The following SPOCK1 variants were observed in gnomAD, a reference collection of about 807,000 sequenced individuals.
The protein encoded by SPOCK1 is SPARC (osteonectin), cwcv and kazal like domains proteoglycan 1.
Under a neutral mutation model 55.3 loss-of-function variants are expected in SPOCK1, and 23 were observed. That is an observed-to-expected ratio of 0.42 (90% confidence interval 0.30 to 0.59). SPOCK1 has a LOEUF of 0.59. Ranked by LOEUF, SPOCK1 falls within the 20% of genes least tolerant of loss-of-function variation. SPOCK1 has a pLI of 0.22. For missense variants in SPOCK1, 499 were observed against 552.5 expected (o/e 0.90, Z 0.97); for synonymous variants, 226 against 221.0 (o/e 1.02, Z -0.20).
At chr5:136,979,136 T>C (rs1750675352) in intron 10 of SPOCK1, among the ~76,000 whole-genome samples, 196 bp downstream of exon 10, 1 of 152,198 alleles carries the variant, frequency 6.6e-6, no homozygotes, top group African/African-American at 2.4e-5. Flanking sequence ...CTCTCTTCTC[T>C]GGTCATAGTG....
At chr5:137,029,942 G>C (rs746046589) in intron 6 of SPOCK1, among the ~76,000 whole-genome samples, 12 of 152,224 alleles carry the variant, frequency 7.9e-5, no homozygotes, top group Non-Finnish European at 1.6e-4. Context: ...AAGGAAGCAT[G>C]CAAGGAGAAA....
At chr5:137,188,444 A>C (rs186757423) in intron 3 of SPOCK1, among the ~76,000 whole-genome samples, 1 of 152,058 alleles carries the variant, frequency 6.6e-6, no homozygotes, top group African/African-American at 2.4e-5. Context: ...AAACTTTGTC[A>C]TTATCATTAT....
At chr5:137,076,258 A>G (rs1752758044) in intron 5 of SPOCK1, among the ~76,000 whole-genome samples, 1 of 152,180 alleles carries the variant, frequency 6.6e-6, no homozygotes, top group South Asian at 2.1e-4. Flanking sequence ...GTGCCCCAGG[A>G]CAATTCTCTC....
chr5:137,114,512 T>C (rs1753541379), intron 4 of SPOCK1, among the ~76,000 whole-genome samples: 1 of 152,218 alleles, frequency 6.6e-6, no homozygotes, highest in South Asian at 2.1e-4. Context: ...TCTGGATTTT[T>C]TAAAGTCTAT....
chr5:137,112,328 G>T, intron 5 of SPOCK1, 107 bp downstream of exon 5: 2 of 1,415,762 alleles, frequency 1.4e-6, no homozygotes, highest in Non-Finnish European at 9.5e-7. Context: ...TCAAGGGCAA[G>T]GCCTGGAGCC....
At chr5:137,030,738 C>A (rs1169794127) in intron 6 of SPOCK1, among the ~76,000 whole-genome samples, 1 of 152,130 alleles carries the variant, frequency 6.6e-6, no homozygotes, top group Non-Finnish European at 1.5e-5. Flanking sequence ...TGTGTAATTT[C>A]ATTTTAGCCA....
At chr5:137,408,584 G>C (rs1479690200) in intron 2 of SPOCK1, among the ~76,000 whole-genome samples, 1 of 152,192 alleles carries the variant, frequency 6.6e-6, no homozygotes, top group African/African-American at 2.4e-5. Flanking sequence ...AAAGTAAGGG[G>C]AAAGGGGAAC....
intron 3 of SPOCK1, among the ~76,000 whole-genome samples, chr5:137,159,049 C>T (rs1754476313): frequency 1.3e-5 from 2 of 152,122 alleles, no homozygotes; most frequent in South Asian, 4.2e-4. Flanking sequence ...ATCAGATGCT[C>T]CCCTTGACCA....
At chr5:137,392,178 G>A (rs959437556) in intron 2 of SPOCK1, among the ~76,000 whole-genome samples, 1 of 151,948 alleles carries the variant, frequency 6.6e-6, no homozygotes, top group Non-Finnish European at 1.5e-5. Context: ...GTTTCTAAGT[G>A]TACACTGGCC....
At chr5:137,078,614 C>T (rs1313706276) in intron 5 of SPOCK1, among the ~76,000 whole-genome samples, 1 of 152,168 alleles carries the variant, frequency 6.6e-6, no homozygotes, top group Non-Finnish European at 1.5e-5. Context: ...ATTTACATAA[C>T]CTGTCCAAGT....
chr5:137,434,375 T>A lies in SPOCK1; in HGVS notation c.186+63998A>T, dbSNP rs184036672. Among the ~76,000 whole-genome samples the A allele has an allele frequency of 5.8e-4, 88 of 152,020 alleles. No homozygotes were observed. In the East Asian group the frequency reaches 0.015, roughly 26 times the overall value. On this transcript the variant is annotated intron_variant, in intron 2 of 10. Coordinates refer to ENST00000394945, the MANE Select transcript of SPOCK1 (RefSeq NM_004598.4). ...GGATAAATGGGGACTCTCCTACTAT[T>A]ACCTTTCAGGTCTCACACTCAAACT...
intron 3 of SPOCK1, among the ~76,000 whole-genome samples, chr5:137,215,856 GC>G (rs1193531818): frequency 6.6e-6 from 1 of 152,152 alleles, no homozygotes; most frequent in Non-Finnish European, 1.5e-5. Context: ...CAGATTCTAT[GC>G]CAGTTAAAGT....
Position 137,415,467 on chromosome 5 carries a change from G to T in SPOCK1, c.186+82906C>A, listed in dbSNP as rs947338780. ...CATGCACCCAAAGGTGGTAGGAAGG[G>T]TCCTCTAGGATGAGGTCAAGATGAC... On this transcript the variant is annotated intron_variant, in intron 2 of 10. Coordinates refer to ENST00000394945, the MANE Select transcript of SPOCK1 (RefSeq NM_004598.4). Among the ~76,000 whole-genome samples, 36 of 152,226 alleles carry T rather than the reference G, an allele frequency of 2.4e-4. 2 individuals are homozygous for T. Among genetic ancestry groups the T allele is most frequent in the Non-Finnish European group, 3.7e-4 (25 of 68,038 alleles).
At position 137,216,718 on chromosome 5, in the gene SPOCK1, A is replaced by G. The variant is rs571115742; in HGVS notation, c.232+50292T>C. ...AGAGGAAGACTTCGTCTAAAAAAAAAGGGCTCATGCAATATGTTAGTAAAA... is the reference window on the plus strand; with the variant it reads ...AGAGGAAGACTTCGTCTAAAAAAAAGGGGCTCATGCAATATGTTAGTAAAA... On this transcript the variant is annotated intron_variant, in intron 3 of 10. Coordinates refer to ENST00000394945, the MANE Select transcript of SPOCK1 (RefSeq NM_004598.4). Among the ~76,000 whole-genome samples, 43 of 152,200 alleles carry G rather than the reference A, an allele frequency of 2.8e-4. 1 individual carries two copies. The South Asian group carries it at 8.5e-3, about 30-fold the overall frequency.
chr5:137,175,319 G>A (rs574214281), intron 3 of SPOCK1, among the ~76,000 whole-genome samples: 7 of 152,278 alleles, frequency 4.6e-5, no homozygotes, highest in African/African-American at 1.7e-4. Context: ...TGGATAGGTA[G>A]GAGGCCAGTG....
chr5:137,217,061 G>C (rs1755730218), intron 3 of SPOCK1, among the ~76,000 whole-genome samples: 1 of 152,120 alleles, frequency 6.6e-6, no homozygotes, highest in Non-Finnish European at 1.5e-5. Flanking sequence ...ACTTGACACT[G>C]GGAACAGAGA....
At chr5:137,247,801 T>A (rs1425762862) in intron 3 of SPOCK1, among the ~76,000 whole-genome samples, 3 of 152,192 alleles carry the variant, frequency 2.0e-5, no homozygotes, top group Non-Finnish European at 4.4e-5. Context: ...GGGGGTGGCC[T>A]GGCTTCATAA....
At chr5:137,174,451 C>T (rs1754814663) in intron 3 of SPOCK1, among the ~76,000 whole-genome samples, 2 of 152,208 alleles carry the variant, frequency 1.3e-5, no homozygotes, top group African/African-American at 4.8e-5. Flanking sequence ...AATTATTTTT[C>T]ATACATGCCC....
intron 2 of SPOCK1, among the ~76,000 whole-genome samples, chr5:137,357,076 A>G (rs957452096): frequency 1.6e-4 from 24 of 151,618 alleles, no homozygotes; most frequent in Non-Finnish European, 2.7e-4. Context: ...TCTCATGTCT[A>G]TACAAAGAAC....
Sources: gnomAD v4.1 joint callset for allele counts (sites outside exome capture counted in the v4.1 genomes callset) on GRCh38, gnomAD v4.1.1 for gene constraint, MANE v1.5 for transcripts, NCBI Gene and HGNC (gene_info 2026-07-23, HGNC 2026-07-21) for gene names.